The following FCHSD2 variants were observed in gnomAD, a reference collection of about 807,000 sequenced individuals.
FCHSD2 encodes the protein FCH and double SH3 domains 2, also known as F-BAR and double SH3 domains protein 2.
In FCHSD2, 38 loss-of-function variants were observed where a neutral mutation model predicts 108.1. The ratio of observed to expected loss-of-function variants is 0.35; its 90% CI spans 0.27 to 0.46. The LOEUF is 0.46. Ranked by LOEUF, FCHSD2 falls within the 20% of genes least tolerant of loss-of-function variation. The probability of loss-of-function intolerance (pLI) is 1.00; values close to 1 mark genes in which losing one functional copy is unlikely to be tolerated. For synonymous variants in FCHSD2, 279 were observed against 314.7 expected (o/e 0.89, Z 1.20); for missense variants, 751 against 897.8 (o/e 0.84, Z 2.09).
At chr11:72,850,120 A>G (rs929027214) in intron 13 of FCHSD2, among the ~76,000 whole-genome samples, 1 of 135,390 alleles carries the variant, frequency 7.4e-6, no homozygotes, top group Non-Finnish European at 1.5e-5. Flanking sequence ...CTGGACTGCA[A>G]TGGCGTGATC....
intron 4 of FCHSD2, among the ~76,000 whole-genome samples, chr11:73,008,607 A>G (rs1175746745): frequency 6.6e-6 from 1 of 152,190 alleles, no homozygotes; most frequent in African/African-American, 2.4e-5. Flanking sequence ...AAATGGCCAG[A>G]GGTAAGTAGA....
intron 13 of FCHSD2, among the ~76,000 whole-genome samples, chr11:72,857,071 G>A (rs749771387): frequency 6.6e-6 from 1 of 152,156 alleles, no homozygotes; most frequent in Non-Finnish European, 1.5e-5. Flanking sequence ...TTGGCAACCC[G>A]GTTGATACTA....
intron 3 of FCHSD2, among the ~76,000 whole-genome samples, chr11:73,017,315 C>CAAT (rs1427788013): frequency 6.6e-6 from 1 of 152,112 alleles, no homozygotes; most frequent in Non-Finnish European, 1.5e-5. Flanking sequence ...ATGTGGTCCC[C>CAAT]TAACACTATA....
intron 2 of FCHSD2, among the ~76,000 whole-genome samples, chr11:73,138,764 T>C (rs551981479): frequency 1.2e-4 from 19 of 152,150 alleles, no homozygotes; most frequent in Non-Finnish European, 2.5e-4. Flanking sequence ...CACGCCACCA[T>C]GCCTGGTTAA....
At chr11:72,881,476 T>C (rs1012289911) in intron 12 of FCHSD2, among the ~76,000 whole-genome samples, 3 of 152,218 alleles carry the variant, frequency 2.0e-5, no homozygotes, top group Admixed American at 1.3e-4. Context: ...GAAAACAGCA[T>C]GGAGGTTTCT....
At chr11:72,854,442 T>A (rs1402776337) in intron 13 of FCHSD2, among the ~76,000 whole-genome samples, 2 of 152,216 alleles carry the variant, frequency 1.3e-5, no homozygotes, top group Admixed American at 1.3e-4. Context: ...TATCTGTCTA[T>A]CTGGTTAGAG....
At chr11:72,875,218 T>C (rs189406604) in intron 12 of FCHSD2, among the ~76,000 whole-genome samples, 6 of 152,312 alleles carry the variant, frequency 3.9e-5, no homozygotes, top group African/African-American at 1.4e-4. Flanking sequence ...TGGTAGATAA[T>C]AGTATTTGCT....
chr11:72,891,384 A>G (rs937523704), intron 10 of FCHSD2, among the ~76,000 whole-genome samples: 5 of 152,256 alleles, frequency 3.3e-5, no homozygotes, highest in African/African-American at 7.2e-5. Flanking sequence ...CAGCTAGATT[A>G]TAACAATGAC....
intron 8 of FCHSD2, among the ~76,000 whole-genome samples, chr11:72,979,609 A>G (rs1275047643): frequency 1.3e-5 from 2 of 152,230 alleles, no homozygotes; most frequent in East Asian, 1.9e-4. Context: ...TGTTTCAATG[A>G]AAGAGTTTTC....
chr11:72,950,852 A>G (rs904064299), intron 8 of FCHSD2, among the ~76,000 whole-genome samples: 2 of 152,224 alleles, frequency 1.3e-5, no homozygotes, highest in Non-Finnish European at 2.9e-5. Context: ...TCCTGGGCAC[A>G]TGCTGTGGGA....
intron 3 of FCHSD2, among the ~76,000 whole-genome samples, chr11:73,056,259 T>C (rs1053243154): frequency 1.3e-5 from 2 of 152,256 alleles, no homozygotes; most frequent in South Asian, 2.1e-4. Context: ...CGAGCCAAGG[T>C]AGGGGTCCTG....
chr11:72,885,958 A>C (rs1855189117), intron 12 of FCHSD2, among the ~76,000 whole-genome samples: 1 of 152,160 alleles, frequency 6.6e-6, no homozygotes, highest in Non-Finnish European at 1.5e-5. Context: ...GCAGATGGCA[A>C]GCCTGTTCTG....
chr11:73,109,921 T>C (rs1860441744), intron 2 of FCHSD2, among the ~76,000 whole-genome samples: 1 of 152,244 alleles, frequency 6.6e-6, no homozygotes. Flanking sequence ...TTAAATTTTA[T>C]TAAATGCTTT....
At chr11:72,858,075 G>T (rs973223113) in intron 13 of FCHSD2, among the ~76,000 whole-genome samples, 1 of 152,202 alleles carries the variant, frequency 6.6e-6, no homozygotes, top group African/African-American at 2.4e-5. Context: ...TTGGTGCATA[G>T]GAGGTACTTA....
In FCHSD2 at chr11:72,857,392, T is replaced by C. The variant is rs938551360; in HGVS notation, c.1309-7503A>G. Among the ~76,000 whole-genome samples, 6 of 151,538 alleles carry C rather than the reference T, an allele frequency of 4.0e-5. No homozygotes were observed. In the East Asian group the frequency reaches 5.8e-4, roughly 15 times the overall value. Reference sequence around the variant, plus strand: ...CAATCAAAACTATTCTTTCTAGCCATACTAACGTTTACCCTTTCTTAGATG... The same window carrying C: ...CAATCAAAACTATTCTTTCTAGCCACACTAACGTTTACCCTTTCTTAGATG... On this transcript the variant is annotated intron_variant, in intron 13 of 19. Transcript: ENST00000409418.
intron 12 of FCHSD2, among the ~76,000 whole-genome samples, chr11:72,881,585 T>TCC (rs989941160): frequency 3.3e-5 from 5 of 152,176 alleles, no homozygotes; most frequent in African/African-American, 1.2e-4. Flanking sequence ...CATACCTTCA[T>TCC]CCCCTGTTTA....
At chr11:73,061,887 G>T (rs2135488626) in intron 3 of FCHSD2, among the ~76,000 whole-genome samples, 1 of 152,318 alleles carries the variant, frequency 6.6e-6, no homozygotes. Flanking sequence ...CACAGCTTCA[G>T]CAGACTTAAA....
At chr11:72,922,240 C>G (rs1012620838) in intron 8 of FCHSD2, among the ~76,000 whole-genome samples, 1 of 152,104 alleles carries the variant, frequency 6.6e-6, no homozygotes, top group Non-Finnish European at 1.5e-5. Context: ...CTTTGCTCAT[C>G]TGCTTAGGTG....
At chr11:72,854,555 C>T (rs972179341) in intron 13 of FCHSD2, among the ~76,000 whole-genome samples, 1 of 152,166 alleles carries the variant, frequency 6.6e-6, no homozygotes, top group Non-Finnish European at 1.5e-5. Flanking sequence ...CTTCAGCCCC[C>T]CGAGTAGCCG....
Sources: gnomAD v4.1 joint callset for allele counts (sites outside exome capture counted in the v4.1 genomes callset) on GRCh38, gnomAD v4.1.1 for gene constraint, MANE v1.5 for transcripts, NCBI Gene and HGNC (gene_info 2026-07-23, HGNC 2026-07-21) for gene names.